The following GOLM1 variants were observed in gnomAD, a reference collection of about 807,000 sequenced individuals.
GOLM1 encodes the protein golgi membrane protein 1.
A neutral mutation model predicts 50.5 loss-of-function variants in GOLM1; 31 were observed. The observed-to-expected ratio is 0.61, with a 90% CI of 0.46 to 0.83. The LOEUF is 0.83. Among genes scored for constraint, GOLM1 ranks in the 40% least tolerant of loss-of-function variants. The probability of loss-of-function intolerance (pLI) is 0.00; values close to 1 mark genes in which losing one functional copy is unlikely to be tolerated. For synonymous variants in GOLM1, 178 were observed against 192.8 expected (o/e 0.92, Z 0.64); for missense variants, 491 against 501.3 (o/e 0.98, Z 0.20).
intron 5 of GOLM1, among the ~76,000 whole-genome samples, chr9:86,043,126 T>C (rs1332060719): frequency 1.3e-5 from 2 of 152,226 alleles, no homozygotes; most frequent in Admixed American, 1.3e-4. Context: ...TATTACTTTA[T>C]ATGCCAGTGT....
intron 1 of GOLM1, among the ~76,000 whole-genome samples, chr9:86,086,559 T>C (rs1310852927): frequency 6.6e-6 from 1 of 152,196 alleles, no homozygotes; most frequent in African/African-American, 2.4e-5. Context: ...CTGCCTAGGT[T>C]TTCTTCTAGG....
At chr9:86,044,698 T>C (rs546965622) in intron 5 of GOLM1, among the ~76,000 whole-genome samples, 2 of 152,296 alleles carry the variant, frequency 1.3e-5, no homozygotes, top group South Asian at 4.1e-4. Flanking sequence ...ACACCTGTAA[T>C]CCCAGCACTT....
At chr9:86,042,463 A>G (rs1181611509) in intron 5 of GOLM1, among the ~76,000 whole-genome samples, 1 of 152,056 alleles carries the variant, frequency 6.6e-6, no homozygotes, top group Admixed American at 6.6e-5. Flanking sequence ...TATACCCTTG[A>G]GTTCAAAGCA....
At chr9:86,082,184 A>G (rs1290088848) in intron 1 of GOLM1, among the ~76,000 whole-genome samples, 1 of 151,180 alleles carries the variant, frequency 6.6e-6, no homozygotes, top group Non-Finnish European at 1.5e-5. Flanking sequence ...ACCTGCCACC[A>G]CACCTGGCTA....
chr9:86,054,444 A>G (rs1353713480), intron 3 of GOLM1, among the ~76,000 whole-genome samples: 4 of 152,222 alleles, frequency 2.6e-5, no homozygotes, highest in South Asian at 2.1e-4. Flanking sequence ...GGCTGGTCTC[A>G]AACTTCTGAC....
chr9:86,077,455 T>C lies in GOLM1; in HGVS notation c.266A>G (p.Asn89Ser), dbSNP rs767709554. Residue 89 changes from asparagine (N) to serine (S), a missense_variant, in exon 3 of 10, where the codon AAC (asparagine) becomes AGC (serine). Coordinates refer to ENST00000388712, the MANE Select transcript of GOLM1 (RefSeq NM_016548.4). The stretch of plus-strand genomic sequence containing the variant: ...CTTGTTGACGCTCTCCAGCTGGAAG[T>C]TGTGGCTGGACTGGATTTTGTCAAG... ...EQLDKIQSSH[N>S]FQLESVNKLY... is the part of the protein sequence containing the mutation. 81 of 1,614,060 alleles carry C rather than the reference T, an allele frequency of 5.0e-5. No homozygotes were observed. The highest frequency in any genetic ancestry group is 4.9e-4 in the Middle Eastern group (3 of 6,084).
At chr9:86,048,998 T>C (rs1371746360) in intron 4 of GOLM1, among the ~76,000 whole-genome samples, 1 of 152,258 alleles carries the variant, frequency 6.6e-6, no homozygotes, top group African/African-American at 2.4e-5. Flanking sequence ...CTAGAGTTTT[T>C]ATGGTTTTAG....
At position 86,068,394 on chromosome 9, in the gene GOLM1, A is replaced by G. The variant is rs569597908; in HGVS notation, c.309+9018T>C. Among the ~76,000 whole-genome samples, 15 of 152,368 alleles carry G rather than the reference A, an allele frequency of 9.8e-5. No individual in the cohort carries two copies. The South Asian group carries it at 2.9e-3, about 29-fold the overall frequency. On this transcript the variant is annotated intron_variant, in intron 3 of 9. Transcript: ENST00000388712. ...CGCAGCCCTAGGACCCAAATACAAA[A>G]GATGACACAGCTTCCTCCCGCTGGT...
chr9:86,027,361 T>C lies in GOLM1; in HGVS notation c.*456A>G, dbSNP rs1320292101. ...CTACACAAGAGCATTAGCCAGACTTTTCAGTGAGAACAGGTAACAGGCTGG... is the reference window on the plus strand; with the variant it reads ...CTACACAAGAGCATTAGCCAGACTTCTCAGTGAGAACAGGTAACAGGCTGG... On this transcript the variant is annotated 3_prime_UTR_variant, in exon 10 of 10. Coordinates refer to ENST00000388712, the MANE Select transcript of GOLM1 (RefSeq NM_016548.4). 3 of 988,810 alleles carry C rather than the reference T, an allele frequency of 3.0e-6. No homozygotes were observed. Among genetic ancestry groups the C allele is most frequent in the South Asian group, 9.3e-5 (2 of 21,472 alleles). 61.3% of individuals were successfully genotyped at this position (988,810 alleles called of 1,614,324 possible).
chr9:86,085,646 C>G (rs1563968035), intron 1 of GOLM1, among the ~76,000 whole-genome samples: 1 of 152,032 alleles, frequency 6.6e-6, no homozygotes, highest in Non-Finnish European at 1.5e-5. Flanking sequence ...CCCACCCCAC[C>G]ACAGGCCCTG....
At chr9:86,093,375 C>CAA (rs34420567) in intron 1 of GOLM1, among the ~76,000 whole-genome samples, 4,182 of 108,968 alleles carry the variant, frequency 0.038, 268 homozygotes, top group African/African-American at 0.12. Flanking sequence ...GATTCTGCCT[C>CAA]AAAAAAAAAA....
At chr9:86,088,420 G>GTATATATATATATATATATATATATA (rs71505775) in intron 1 of GOLM1, among the ~76,000 whole-genome samples, 25 of 86,294 alleles carry the variant, frequency 2.9e-4, no homozygotes, top group South Asian at 8.5e-4. Flanking sequence ...TTTGAAGGGT[G>GTATATATATATATATATATATATATA]TATATATATA....
intron 1 of GOLM1, among the ~76,000 whole-genome samples, chr9:86,082,463 C>T (rs1479436766): frequency 6.6e-6 from 1 of 151,696 alleles, no homozygotes; most frequent in East Asian, 1.9e-4. Context: ...GAAATAGCTG[C>T]CTAGTGGTGT....
intron 3 of GOLM1, 85 bp from the exon 4 acceptor site, chr9:86,052,676 C>T: frequency 1.8e-6 from 2 of 1,088,202 alleles, no homozygotes; most frequent in Non-Finnish European, 2.8e-6. Flanking sequence ...ATGATGGGGC[C>T]TGTCCCCAAC....
chr9:86,081,238 C>T (rs1365310631), intron 1 of GOLM1, among the ~76,000 whole-genome samples: 1 of 142,022 alleles, frequency 7.0e-6, no homozygotes, highest in Non-Finnish European at 1.5e-5. Flanking sequence ...CTCTTGTTTT[C>T]CAGGCTGGAG....
intron 1 of GOLM1, among the ~76,000 whole-genome samples, chr9:86,086,721 A>G (rs1834974406): frequency 6.6e-6 from 1 of 152,090 alleles, no homozygotes; most frequent in African/African-American, 2.4e-5. Context: ...TCCTTTCTCC[A>G]TTGCTTGTTT....
At chr9:86,028,747 G>C (rs969550433) in intron 9 of GOLM1, among the ~76,000 whole-genome samples, 1 of 151,922 alleles carries the variant, frequency 6.6e-6, no homozygotes, top group South Asian at 2.1e-4. Context: ...CCCACAACCT[G>C]TCCGTCCGCA....
chr9:86,054,267 CTTTTT>C (rs1377924416), intron 3 of GOLM1, among the ~76,000 whole-genome samples: 1 of 140,182 alleles, frequency 7.1e-6, no homozygotes, highest in African/African-American at 2.6e-5. Flanking sequence ...CACTCATTGA[CTTTTT>C]TTTTTTTTTT....
At chr9:86,086,966 T>C (rs895997099) in intron 1 of GOLM1, among the ~76,000 whole-genome samples, 1 of 152,190 alleles carries the variant, frequency 6.6e-6, no homozygotes, top group African/African-American at 2.4e-5. Flanking sequence ...AACTTTAAAG[T>C]AGTTTTTTCC....
Sources: allele counts gnomAD v4.1 joint callset (sites outside exome capture counted in the v4.1 genomes callset), GRCh38; gene constraint gnomAD v4.1.1; transcripts MANE v1.5; gene names NCBI Gene and HGNC (gene_info 2026-07-23, HGNC 2026-07-21).